The following GNA11 variants were observed in gnomAD, a reference collection of about 807,000 sequenced individuals.
GNA11 encodes guanine nucleotide-binding protein subunit alpha-11.
Under a neutral mutation model 38.2 loss-of-function variants are expected in GNA11, and 8 were observed. The observed-to-expected ratio is 0.21, with a 90% CI of 0.12 to 0.38. GNA11 has a LOEUF of 0.38. Ranked by LOEUF, GNA11 falls within the 10% of genes least tolerant of loss-of-function variation. The pLI is 1.00. For missense variants in GNA11, 268 were observed against 516.3 expected (o/e 0.52, Z 4.66); for synonymous variants, 211 against 221.4 (o/e 0.95, Z 0.42).
In GNA11 at chr19:3,110,127, C is replaced by A. The variant is rs571571444; in HGVS notation, c.137-22C>A. 35 of 1,575,630 alleles carry A rather than the reference C, an allele frequency of 2.2e-5. No homozygotes were observed. In the South Asian group the frequency reaches 3.8e-4, roughly 17 times the overall value. The stretch of plus-strand genomic sequence containing the variant: ...GAGTCAGGCCCCGGCTGCCGCCCGC[C>A]CTCACGTGCCCCGTCCCCCAGGCAC... On this transcript the variant is annotated intron_variant, in intron 1 of 6. Transcript: ENST00000078429. This position sits in a 1 kb window ranked among gnomAD's most constrained non-coding sequence, Gnocchi z 5.4.
rs1012127679 is a variant in GNA11, at chr19:3,121,871, C to T, written c.*692C>T. On this transcript the variant is annotated 3_prime_UTR_variant, in exon 7 of 7. Coordinates refer to ENST00000078429, the MANE Select transcript of GNA11 (RefSeq NM_002067.5). ...ATTTTATTTTTTTGAGGAAAAAGAA[C>T]GCCTGACTCACAGGTTGAAGAAACA... 3.0e-5 allele frequency: 6 copies of T among 203,168 alleles called. No individual in the cohort carries two copies. Among genetic ancestry groups the T allele is most frequent in the South Asian group, 2.0e-4 (1 of 4,976 alleles). 12.6% of individuals were successfully genotyped at this position (203,168 alleles called of 1,614,324 possible). A position where few individuals can be genotyped will look rare whatever the true frequency, so the allele number is the denominator to read the frequency against.
Position 3,120,976 on chromosome 19 carries a change from T to C in GNA11, c.890-13T>C. 6.2e-7 allele frequency: 1 copy of C among 1,600,942 alleles called. No individual in the cohort carries two copies. The highest frequency in any genetic ancestry group is 2.2e-5 in the East Asian group (1 of 44,768). ...CGGGCTGGGGCACAGCCTCACCCTC[T>C]GCCCTCCCCCAGGTCCCCAGCGGGA... is the stretch of plus-strand genomic sequence containing the variant. On this transcript the variant is annotated splice_polypyrimidine_tract_variant and intron_variant, in intron 6 of 6. Coordinates refer to ENST00000078429, the MANE Select transcript of GNA11 (RefSeq NM_002067.5). This position sits in a 1 kb window ranked among gnomAD's most constrained non-coding sequence, Gnocchi z 5.9.
rs2145333361 is a variant in GNA11 at position 3,123,908 on chromosome 19, ACC to A, written c.*2731_*2732del. Reference sequence around the variant, plus strand: ...TCACCTCCCACAGCCACCGGCCCTGACCCTTAATCCAGACACCGATGGAAGTC... The same window carrying A: ...TCACCTCCCACAGCCACCGGCCCTGACTTAATCCAGACACCGATGGAAGTC... On this transcript the variant is annotated 3_prime_UTR_variant, in exon 7 of 7. Transcript: ENST00000078429. 1.3e-5 allele frequency: 3 copies of A among 232,374 alleles called. No individual in the cohort carries two copies. The East Asian group carries it at 1.8e-4, about 14-fold the overall frequency. 14.4% of individuals were successfully genotyped at this position (232,374 alleles called of 1,614,324 possible).
At position 3,114,069 on chromosome 19, in the gene GNA11, C is replaced by T. The variant is rs144710487; in HGVS notation, c.476+585C>T. ...CTCCATGCTTGGCAGGCAGAGGCCCCGGCCCTCCCCCAGCACCGGGAGAGA... is the reference window on the plus strand; with the variant it reads ...CTCCATGCTTGGCAGGCAGAGGCCCTGGCCCTCCCCCAGCACCGGGAGAGA... On this transcript the variant is annotated intron_variant, in intron 3 of 6. Coordinates refer to ENST00000078429, the MANE Select transcript of GNA11 (RefSeq NM_002067.5). 5.1e-3 allele frequency among the ~76,000 whole-genome samples: 775 copies of T among 152,234 alleles called. 8 individuals carry two copies. Among genetic ancestry groups the T allele is most frequent in the African/African-American group, 0.017 (704 of 41,550 alleles).
Position 3,108,147 on chromosome 19 carries a change from C to T in GNA11, c.137-2002C>T, listed in dbSNP as rs1913681812. ...GTTTTGCGAGACCCCCCACAGGGAG[C>T]TCAGGTGCTGTGGGCAGTTCCTGGG... On this transcript the variant is annotated intron_variant, in intron 1 of 6. Coordinates refer to ENST00000078429, the MANE Select transcript of GNA11 (RefSeq NM_002067.5). This position sits in a 1 kb window ranked among gnomAD's most constrained non-coding sequence, Gnocchi z 4.5. Among the ~76,000 whole-genome samples, 1 of 152,218 alleles carries T rather than the reference C, an allele frequency of 6.6e-6. No homozygotes were observed. The highest frequency in any genetic ancestry group is 2.4e-5 in the African/African-American group (1 of 41,452).
intron 1 of GNA11, among the ~76,000 whole-genome samples, chr19:3,107,168 G>A (rs1487811267): frequency 2.6e-5 from 4 of 152,144 alleles, no homozygotes; most frequent in East Asian, 1.9e-4. Context: ...CCCGGGAGGC[G>A]GAGCTTGCAG....
intron 1 of GNA11, among the ~76,000 whole-genome samples, chr19:3,106,506 G>A (rs917836765): frequency 6.6e-6 from 1 of 152,168 alleles, no homozygotes; most frequent in Non-Finnish European, 1.5e-5. Flanking sequence ...CCAGAGGCCC[G>A]GGGCCACCTG....
chr19:3,106,347 G>A (rs185003784), intron 1 of GNA11, among the ~76,000 whole-genome samples: 194 of 152,328 alleles, frequency 1.3e-3, no homozygotes, highest in South Asian at 3.7e-3. Context: ...GAGTTGGCGC[G>A]GGGAGACAGG....
rs1913681566 is a variant in GNA11 at position 3,108,141 on chromosome 19, A to G, written c.137-2008A>G. Among the ~76,000 whole-genome samples the G allele has an allele frequency of 6.6e-6, 1 of 152,212 alleles. No homozygotes were observed. On this transcript the variant is annotated intron_variant, in intron 1 of 6. Coordinates refer to ENST00000078429, the MANE Select transcript of GNA11 (RefSeq NM_002067.5). This position sits in a 1 kb window ranked among gnomAD's most constrained non-coding sequence, Gnocchi z 4.5. ...TTGGGTGTTTTGCGAGACCCCCCACAGGGAGCTCAGGTGCTGTGGGCAGTT... is the reference window on the plus strand; with the variant it reads ...TTGGGTGTTTTGCGAGACCCCCCACGGGGAGCTCAGGTGCTGTGGGCAGTT...
chr19:3,120,264 G>GT lies in GNA11; in HGVS notation c.890-724dup, dbSNP rs1914035257. On this transcript the variant is annotated intron_variant, in intron 6 of 6. Transcript: ENST00000078429. The surrounding 1 kb of genome is among the most constrained non-coding windows in gnomAD (Gnocchi z 5.9). Reference sequence around the variant, plus strand: ...GGCCCTGCTGTCCCTGGGCAGGGGAGTGGCGGGGGGCGCTGCACCTGCTCC... The same window carrying GT: ...GGCCCTGCTGTCCCTGGGCAGGGGAGTTGGCGGGGGGCGCTGCACCTGCTCC... Among the ~76,000 whole-genome samples the GT allele has an allele frequency of 6.6e-6, 1 of 151,756 alleles. No homozygotes were observed. Among genetic ancestry groups the GT allele is most frequent in the South Asian group, 2.1e-4 (1 of 4,818 alleles).
Position 3,121,097 on chromosome 19 carries a change from A to G in GNA11, c.998A>G (p.Asp333Gly), listed in dbSNP as rs1323407613. Reference sequence around the variant, plus strand: ...TACTCACACTTCACGTGTGCCACCGACACGGAGAACATCCGCTTCGTGTTC... The same window carrying G: ...TACTCACACTTCACGTGTGCCACCGGCACGGAGAACATCCGCTTCGTGTTC... ...IIYSHFTCATDTENIRFVFAA... is the reference protein window; with the variant it reads ...IIYSHFTCATGTENIRFVFAA... The change falls in exon 7 of 7, where the codon GAC (aspartate) becomes GGC (glycine). Residue 333 changes from aspartate to glycine, a missense_variant. Asp to Gly is a moderately conservative substitution (Grantham distance 94). Around this residue, in one of 3 missense-constraint regions of GNA11, gnomAD observed 92 missense variants for 166.7 expected, o/e 0.55. Transcript: ENST00000078429. 1 of 1,613,874 alleles carries G rather than the reference A, an allele frequency of 6.2e-7. No individual in the cohort carries two copies. The highest frequency in any genetic ancestry group is 8.5e-7 in the Non-Finnish European group (1 of 1,179,894).
At chr19:3,095,611 C>A (rs1256352010) in intron 1 of GNA11, among the ~76,000 whole-genome samples, 1 of 152,034 alleles carries the variant, frequency 6.6e-6, no homozygotes, top group Non-Finnish European at 1.5e-5. Flanking sequence ...TCCGGGAAAC[C>A]CCGTACTCCT....
At position 3,105,635 on chromosome 19, in the gene GNA11, A is replaced by G. The variant is rs145959101; in HGVS notation, c.137-4514A>G. Among the ~76,000 whole-genome samples, 524 of 152,150 alleles carry G rather than the reference A, an allele frequency of 3.4e-3. 1 individual carries two copies. The highest frequency in any genetic ancestry group is 0.012 in the African/African-American group (498 of 41,502). ...CCACTGTCTTAGGGGTGAGAATTTT[A>G]ACATAGGAATTTGGGGGGATCACAG... On this transcript the variant is annotated intron_variant, in intron 1 of 6. Coordinates refer to ENST00000078429, the MANE Select transcript of GNA11 (RefSeq NM_002067.5).
chr19:3,112,385 C>T lies in GNA11; in HGVS notation c.322-945C>T, dbSNP rs148845044. On this transcript the variant is annotated intron_variant, in intron 2 of 6. Transcript: ENST00000078429. ...CACTCTGGGGGGCCTGGGAGGGCCCCGTGGCTCCCAGAGCCCAGGGCAAGG... is the reference window on the plus strand; with the variant it reads ...CACTCTGGGGGGCCTGGGAGGGCCCTGTGGCTCCCAGAGCCCAGGGCAAGG... Among the ~76,000 whole-genome samples, 1,217 of 152,244 alleles carry T rather than the reference C, an allele frequency of 8.0e-3. 7 individuals carry two copies. Among genetic ancestry groups the T allele is most frequent in the Non-Finnish European group, 0.014 (945 of 67,988 alleles).
Position 3,121,287 on chromosome 19 carries a change from G to C in GNA11, c.*108G>C, listed in dbSNP as rs1413527605. ...CTGCCGAGTCCGGGCCGGGGCCTCTGCCCGCGGGAGGAGATTTTTTTTTTT... is the reference window on the plus strand; with the variant it reads ...CTGCCGAGTCCGGGCCGGGGCCTCTCCCCGCGGGAGGAGATTTTTTTTTTT... On this transcript the variant is annotated 3_prime_UTR_variant, in exon 7 of 7. Transcript: ENST00000078429. The C allele has an allele frequency of 1.4e-6, 1 of 723,588 alleles. No individual in the cohort carries two copies. The highest frequency in any genetic ancestry group is 2.3e-6 in the Non-Finnish European group (1 of 436,040). The allele number at this position is 723,588 out of a possible 1,614,324, so 44.8% of individuals were successfully genotyped here. A position where few individuals can be genotyped will look rare whatever the true frequency, so the allele number is the denominator to read the frequency against.
intron 1 of GNA11, among the ~76,000 whole-genome samples, chr19:3,104,095 C>T (rs8107213): frequency 0.12 from 17,935 of 152,308 alleles, 2,435 homozygotes; most frequent in African/African-American, 0.33. Context: ...GCTGGGATTA[C>T]AGGCGTGAGC....
intron 1 of GNA11, among the ~76,000 whole-genome samples, chr19:3,100,776 C>T (rs551127704): frequency 7.9e-5 from 12 of 152,338 alleles, no homozygotes; most frequent in Admixed American, 1.3e-4. Flanking sequence ...TTCCCTCTCC[C>T]GGCCTCAGTT....
At position 3,108,792 on chromosome 19, in the gene GNA11, CAG is replaced by C. The variant is rs1024756549; in HGVS notation, c.137-1356_137-1355del. Among the ~76,000 whole-genome samples the C allele has an allele frequency of 2.6e-5, 4 of 152,126 alleles. No individual in the cohort carries two copies. The highest frequency in any genetic ancestry group is 2.0e-4 in the Admixed American group (3 of 15,270). On this transcript the variant is annotated intron_variant, in intron 1 of 6. Coordinates refer to ENST00000078429, the MANE Select transcript of GNA11 (RefSeq NM_002067.5). The surrounding 1 kb of genome is among the most constrained non-coding windows in gnomAD (Gnocchi z 4.5). The stretch of plus-strand genomic sequence containing the variant: ...CTTGGGGTCTCTCAGAAGTTGTAGT[CAG>C]GATACCAGCCAAGCAGGGGCCACAT...
chr19:3,122,558 G>C lies in GNA11; in HGVS notation c.*1379G>C, dbSNP rs557174021. The C allele has an allele frequency of 3.2e-4, 75 of 232,966 alleles. No homozygotes were observed. Among genetic ancestry groups the C allele is most frequent in the Non-Finnish European group, 5.6e-4 (66 of 117,888 alleles). 14.4% of individuals were successfully genotyped at this position (232,966 alleles called of 1,614,324 possible). On this transcript the variant is annotated 3_prime_UTR_variant, in exon 7 of 7. Coordinates refer to ENST00000078429, the MANE Select transcript of GNA11 (RefSeq NM_002067.5). The surrounding 1 kb of genome is among the most constrained non-coding windows in gnomAD (Gnocchi z 7.7). ...CCGAGAGACTCGGAAGGTGGGGAAC[G>C]AGGGGACTGTGTTTGGGGAGGTGGC...
Sources: allele counts gnomAD v4.1 joint callset (sites outside exome capture counted in the v4.1 genomes callset), GRCh38; gene constraint gnomAD v4.1.1; regional missense constraint gnomAD v4.1.1; non-coding constraint Gnocchi (gnomAD v3.1); transcripts MANE v1.5; gene names NCBI Gene and HGNC (gene_info 2026-07-23, HGNC 2026-07-21).